Variants in BCL2 observed in about 807,000 individuals in gnomAD.
BCL2 encodes BCL2 apoptosis regulator, also known as apoptosis regulator Bcl-2.
A neutral mutation model predicts 14.2 loss-of-function variants in BCL2; 1 was observed. That is an observed-to-expected ratio of 0.07 (90% confidence interval 0.02 to 0.33). BCL2 has a LOEUF of 0.33. Among genes scored for constraint, BCL2 ranks in the 10% least tolerant of loss-of-function variants. BCL2 has a pLI of 0.99. For missense variants in BCL2, 247 were observed against 305.9 expected (o/e 0.81, Z 1.44); for synonymous variants, 151 against 137.2 (o/e 1.10, Z -0.70).
intron 2 of BCL2, among the ~76,000 whole-genome samples, chr18:63,203,476 C>G (rs944479912): frequency 1.3e-5 from 2 of 152,178 alleles, no homozygotes. Context: ...TGTGATTGTA[C>G]TAGCAAAGCA....
At chr18:63,254,868 G>A (rs1454212151) in intron 2 of BCL2, among the ~76,000 whole-genome samples, 2 of 152,146 alleles carry the variant, frequency 1.3e-5, no homozygotes, top group Non-Finnish European at 2.9e-5. Context: ...TGTTCAATGA[G>A]GGCAGAAAGA....
At chr18:63,148,170 T>A (rs1234005711) in intron 2 of BCL2, among the ~76,000 whole-genome samples, 5 of 152,198 alleles carry the variant, frequency 3.3e-5, no homozygotes, top group African/African-American at 9.6e-5. Flanking sequence ...TTGGCATGTA[T>A]GAAGAACGAG....
intron 2 of BCL2, among the ~76,000 whole-genome samples, chr18:63,155,430 G>A (rs1914752995): frequency 6.6e-6 from 1 of 152,080 alleles, no homozygotes; most frequent in African/African-American, 2.4e-5. Context: ...AATGTGCTGT[G>A]CATTGCGTGG....
chr18:63,249,001 G>A (rs2144204841), intron 2 of BCL2, among the ~76,000 whole-genome samples: 1 of 152,284 alleles, frequency 6.6e-6, no homozygotes, highest in Middle Eastern at 3.4e-3. Context: ...GAAGAAATAA[G>A]CTTTAGAAAT....
chr18:63,156,567 C>T (rs79003616), intron 2 of BCL2, among the ~76,000 whole-genome samples: 28 of 152,302 alleles, frequency 1.8e-4, no homozygotes, highest in African/African-American at 6.3e-4. Flanking sequence ...CCTGTACTGG[C>T]CCCTCCAGTC....
At chr18:63,235,995 C>A (rs1264488373) in intron 2 of BCL2, among the ~76,000 whole-genome samples, 1 of 152,196 alleles carries the variant, frequency 6.6e-6, no homozygotes, top group Non-Finnish European at 1.5e-5. Flanking sequence ...TGAATTGTAG[C>A]TCCCATAATC....
chr18:63,259,912 A>G (rs962647332), intron 2 of BCL2, among the ~76,000 whole-genome samples: 1 of 152,206 alleles, frequency 6.6e-6, no homozygotes, highest in Non-Finnish European at 1.5e-5. Context: ...GGCTGACTAC[A>G]TTCAATTGCA....
intron 2 of BCL2, among the ~76,000 whole-genome samples, chr18:63,150,665 G>A (rs574553842): frequency 2.0e-5 from 3 of 152,154 alleles, no homozygotes; most frequent in South Asian, 4.1e-4. Flanking sequence ...CAGCCTTCCC[G>A]TGAGCTGTTT....
chr18:63,192,476 G>T (rs1331362747), intron 2 of BCL2, among the ~76,000 whole-genome samples: 1 of 152,138 alleles, frequency 6.6e-6, no homozygotes, highest in Non-Finnish European at 1.5e-5. Flanking sequence ...GAAGTATTTG[G>T]GGTGATAAGA....
chr18:63,128,352 G>A lies in BCL2; in HGVS notation c.*273C>T, dbSNP rs1913969085. The A allele has an allele frequency of 3.3e-6, 1 of 301,170 alleles. No homozygotes were observed. Among genetic ancestry groups the A allele is most frequent in the East Asian group, 5.0e-5 (1 of 19,838 alleles). The allele number at this position is 301,170 out of a possible 1,614,324, so 18.7% of individuals were successfully genotyped here. On this transcript the variant is annotated 3_prime_UTR_variant, in exon 3 of 3. Transcript: ENST00000333681. ...ATTTCCAAAGACAGGAGTTTTGATG[G>A]GACTGTCTTAAATAAATAAATCTTT...
Position 63,248,397 on chromosome 18 carries a change from T to C in BCL2, c.585+69685A>G, listed in dbSNP as rs74881435. Among the ~76,000 whole-genome samples, 149 of 152,354 alleles carry C rather than the reference T, an allele frequency of 9.8e-4. 2 individuals carry two copies. In the East Asian group the frequency reaches 0.026, roughly 27 times the overall value. Reference sequence around the variant, plus strand: ...CAGTAAAGCAAGGTTGTCTACTACATAGTTTTTAGACTTCTCGCCTTAGAT... The same window carrying C: ...CAGTAAAGCAAGGTTGTCTACTACACAGTTTTTAGACTTCTCGCCTTAGAT... On this transcript the variant is annotated intron_variant, in intron 2 of 2. Coordinates refer to ENST00000333681, the MANE Select transcript of BCL2 (RefSeq NM_000633.3).
At chr18:63,234,988 G>C (rs1197011311) in intron 2 of BCL2, among the ~76,000 whole-genome samples, 1 of 152,036 alleles carries the variant, frequency 6.6e-6, no homozygotes, top group African/African-American at 2.4e-5. Context: ...AGCCAATAAA[G>C]AAACAACGAA....
intron 2 of BCL2, among the ~76,000 whole-genome samples, chr18:63,237,020 A>T (rs1910856317): frequency 6.6e-6 from 1 of 151,890 alleles, no homozygotes; most frequent in Non-Finnish European, 1.5e-5. Flanking sequence ...TTTGAGGCGC[A>T]CTCCTGGCCA....
At chr18:63,271,164 T>C (rs2144239612) in intron 2 of BCL2, among the ~76,000 whole-genome samples, 1 of 152,280 alleles carries the variant, frequency 6.6e-6, no homozygotes, top group East Asian at 1.9e-4. Flanking sequence ...TAGGCCAAGA[T>C]TGCTCTTTTT....
chr18:63,178,902 A>C (rs1009197285), intron 2 of BCL2, among the ~76,000 whole-genome samples: 2 of 81,568 alleles, frequency 2.5e-5, no homozygotes, highest in East Asian at 9.3e-4. Context: ...TTCAAGGCAA[A>C]AAAAAAAAAA....
chr18:63,211,612 C>CG (rs1002750280), intron 2 of BCL2, among the ~76,000 whole-genome samples: 7 of 152,116 alleles, frequency 4.6e-5, no homozygotes, highest in African/African-American at 1.7e-4. Flanking sequence ...GGTGCATGGG[C>CG]GGGGGGCTCT....
chr18:63,280,973 T>C (rs72945054), intron 2 of BCL2, among the ~76,000 whole-genome samples: 27,311 of 152,110 alleles, frequency 0.18, 2,787 homozygotes, highest in African/African-American at 0.26. Context: ...CAATATGTAG[T>C]AGATCCATTC....
rs540701354 is a variant in BCL2 at position 63,318,567 on chromosome 18, C to A, written c.100G>T (p.Asp34Tyr). The A allele has an allele frequency of 1.9e-6, 3 of 1,596,986 alleles. No individual in the cohort carries two copies. Among genetic ancestry groups the A allele is most frequent in the Admixed American group, 3.4e-5 (2 of 58,124 alleles). Reference sequence around the variant, plus strand: ...GCCCCCGGGGGCGCGGCGCCCACATCTCCCGCATCCCACTCGTAGCCCCTC... The same window carrying A: ...GCCCCCGGGGGCGCGGCGCCCACATATCCCGCATCCCACTCGTAGCCCCTC... ...SQRGYEWDAG[D>Y]VGAAPPGAAP... Residue 34 changes from aspartate to tyrosine, a missense_variant, in exon 2 of 3, where the codon GAT becomes TAT. Physicochemically the swap from Asp to Tyr is radical, Grantham distance 160. Around this residue, in one of 3 missense-constraint regions of BCL2, gnomAD observed 144 missense variants for 135.3 expected, o/e 1.06. Transcript: ENST00000333681. This position sits in a 1 kb window ranked among gnomAD's most constrained non-coding sequence, Gnocchi z 7.4.
chr18:63,279,388 G>C (rs1473958765), intron 2 of BCL2, among the ~76,000 whole-genome samples: 1 of 152,192 alleles, frequency 6.6e-6, no homozygotes, highest in Non-Finnish European at 1.5e-5. Context: ...GACTTGCATA[G>C]GCACGTTCTA....
Sources: allele counts gnomAD v4.1 joint callset (sites outside exome capture counted in the v4.1 genomes callset), GRCh38; gene constraint gnomAD v4.1.1; regional missense constraint gnomAD v4.1.1; non-coding constraint Gnocchi (gnomAD v3.1); transcripts MANE v1.5; gene names NCBI Gene and HGNC (gene_info 2026-07-23, HGNC 2026-07-21).